The following CNTNAP2 variants were observed in gnomAD, a reference collection of about 807,000 sequenced individuals.
The protein encoded by CNTNAP2 is contactin associated protein 2.
CNTNAP2 carries 98 observed loss-of-function variants against 155.2 expected under a neutral mutation model. That is an observed-to-expected ratio of 0.63 (90% CI 0.54 to 0.75). The LOEUF (loss-of-function observed/expected upper bound fraction) is 0.75. Ranked by LOEUF, CNTNAP2 falls within the 30% of genes least tolerant of loss-of-function variation. CNTNAP2 has a pLI of 0.00. For synonymous variants in CNTNAP2, 651 were observed against 631.2 expected (o/e 1.03, Z -0.47); for missense variants, 1,727 against 1,688.1 (o/e 1.02, Z -0.40).
At chr7:147,340,368 C>G (rs931580511) in intron 9 of CNTNAP2, among the ~76,000 whole-genome samples, 2 of 152,038 alleles carry the variant, frequency 1.3e-5, no homozygotes, top group African/African-American at 2.4e-5. Flanking sequence ...AAATACATAC[C>G]CCCAAGCAAC....
intron 3 of CNTNAP2, among the ~76,000 whole-genome samples, chr7:147,001,282 G>T (rs1443840348): frequency 6.6e-6 from 1 of 151,926 alleles, no homozygotes; most frequent in Non-Finnish European, 1.5e-5. Flanking sequence ...CTTCCGGTGG[G>T]TGATCACTGG....
chr7:146,957,889 A>G (rs1472765690), intron 3 of CNTNAP2, among the ~76,000 whole-genome samples: 1 of 152,208 alleles, frequency 6.6e-6, no homozygotes, highest in Non-Finnish European at 1.5e-5. Context: ...CTTATCAAGA[A>G]TGATAATTCT....
chr7:147,045,740 A>G (rs1799344561), intron 4 of CNTNAP2, among the ~76,000 whole-genome samples: 1 of 152,150 alleles, frequency 6.6e-6, no homozygotes, highest in South Asian at 2.1e-4. Context: ...GCCAGAAGAA[A>G]ATGTGATATT....
intron 1 of CNTNAP2, among the ~76,000 whole-genome samples, chr7:146,627,055 G>A (rs1485959533): frequency 1.3e-5 from 2 of 152,250 alleles, no homozygotes; most frequent in African/African-American, 4.8e-5. Flanking sequence ...AGATGGCTGG[G>A]GAGGCCTCAC....
At chr7:147,867,088 G>T (rs573156147) in intron 13 of CNTNAP2, among the ~76,000 whole-genome samples, 2 of 152,124 alleles carry the variant, frequency 1.3e-5, no homozygotes, top group Non-Finnish European at 2.9e-5. Context: ...GGATGATACC[G>T]GTTGTTTCTT....
intron 11 of CNTNAP2, among the ~76,000 whole-genome samples, chr7:147,489,207 C>G (rs1584766368): frequency 6.6e-6 from 1 of 152,098 alleles, no homozygotes; most frequent in East Asian, 1.9e-4. Flanking sequence ...TACATGGGGA[C>G]TTTGTTTTTA....
intron 1 of CNTNAP2, among the ~76,000 whole-genome samples, chr7:146,482,642 T>C (rs1584945465): frequency 1.3e-5 from 2 of 149,608 alleles, no homozygotes; most frequent in African/African-American, 4.9e-5. Context: ...ACTCGGGAGG[T>C]TGAGGCAGGA....
At chr7:147,700,893 C>A (rs1796227518) in intron 13 of CNTNAP2, among the ~76,000 whole-genome samples, 1 of 152,126 alleles carries the variant, frequency 6.6e-6, no homozygotes, top group South Asian at 2.1e-4. Flanking sequence ...CTGGAACAGC[C>A]CTGCCAAGGG....
At chr7:148,261,382 A>T (rs1447379608) in intron 20 of CNTNAP2, among the ~76,000 whole-genome samples, 2 of 151,946 alleles carry the variant, frequency 1.3e-5, no homozygotes, top group African/African-American at 4.8e-5. Context: ...CTGGTCTCGA[A>T]CTCCTGACCA....
chr7:147,586,060 A>AG (rs909251163), intron 12 of CNTNAP2, among the ~76,000 whole-genome samples: 5 of 152,136 alleles, frequency 3.3e-5, no homozygotes, highest in African/African-American at 1.2e-4. Flanking sequence ...GGAAGGAGTT[A>AG]GGGGGCAGGG....
At chr7:148,296,576 G>A (rs1050602846) in intron 21 of CNTNAP2, among the ~76,000 whole-genome samples, 2 of 98,276 alleles carry the variant, frequency 2.0e-5, no homozygotes, top group Admixed American at 1.1e-4. Flanking sequence ...AAATTATCCC[G>A]TGAAATTCTG....
At chr7:147,547,555 T>G (rs1799762315) in intron 11 of CNTNAP2, among the ~76,000 whole-genome samples, 2 of 152,146 alleles carry the variant, frequency 1.3e-5, no homozygotes, top group African/African-American at 4.8e-5. Context: ...CTTTCTTTGC[T>G]TGATGGTCCA....
intron 1 of CNTNAP2, among the ~76,000 whole-genome samples, chr7:146,320,602 G>A (rs778319329): frequency 2.0e-5 from 3 of 151,974 alleles, no homozygotes; most frequent in Non-Finnish European, 2.9e-5. Context: ...TTCCCTTTAA[G>A]CATACTGAGG....
intron 15 of CNTNAP2, among the ~76,000 whole-genome samples, chr7:148,063,702 T>C (rs1472759713): frequency 2.0e-5 from 3 of 152,052 alleles, no homozygotes; most frequent in African/African-American, 7.2e-5. Context: ...TGCTGATTAC[T>C]TCTTTTGAGG....
chr7:148,128,956 G>A (rs1472700624), intron 16 of CNTNAP2, among the ~76,000 whole-genome samples: 1 of 152,036 alleles, frequency 6.6e-6, no homozygotes, highest in African/African-American at 2.4e-5. Context: ...CCTCCCCATC[G>A]TGGAGGGTAC....
At chr7:146,711,763 ATATATAGTATACACATCTTATGTATACAT>A (rs1801079741) in intron 1 of CNTNAP2, among the ~76,000 whole-genome samples, 1 of 141,340 alleles carries the variant, frequency 7.1e-6, no homozygotes, top group Non-Finnish European at 1.6e-5. Context: ...TTATGTATAC[ATATATAGTATACACATCTTATGTATACAT>A]ATATAGTATA....
At chr7:148,166,403 T>C (rs1197512438) in intron 17 of CNTNAP2, among the ~76,000 whole-genome samples, 3 of 152,170 alleles carry the variant, frequency 2.0e-5, no homozygotes, top group Non-Finnish European at 4.4e-5. Flanking sequence ...ATTCCTTCTA[T>C]GGTGAATTAG....
At chr7:147,837,567 AAGTCC>A (rs958228725) in intron 13 of CNTNAP2, among the ~76,000 whole-genome samples, 17 of 152,250 alleles carry the variant, frequency 1.1e-4, no homozygotes, top group African/African-American at 3.6e-4. Context: ...ATTAACTCAA[AAGTCC>A]ACAGTCCAAA....
chr7:147,599,342 A>G (rs1009376282), intron 12 of CNTNAP2, among the ~76,000 whole-genome samples: 1 of 151,848 alleles, frequency 6.6e-6, no homozygotes, highest in African/African-American at 2.4e-5. Context: ...ATTAAAAAAA[A>G]AAATTAGCCG....
Sources: gnomAD v4.1 joint callset for allele counts (sites outside exome capture counted in the v4.1 genomes callset) on GRCh38, gnomAD v4.1.1 for gene constraint, MANE v1.5 for transcripts, NCBI Gene and HGNC (gene_info 2026-07-23, HGNC 2026-07-21) for gene names.